The following MOK variants were observed in gnomAD, a reference collection of about 807,000 sequenced individuals.
The protein encoded by MOK is MAPK/MAK/MRK overlapping kinase.
Under a neutral mutation model 54.2 loss-of-function variants are expected in MOK, and 59 were observed. That is an observed-to-expected ratio of 1.09 (90% CI 0.88 to 1.35). MOK has a LOEUF of 1.35. Among genes scored for constraint, MOK ranks in the 40% most tolerant of loss-of-function variants. MOK has a pLI of 0.00. For missense variants in MOK, 517 were observed against 526.2 expected, an observed-to-expected ratio of 0.98 and a Z score of 0.17; for synonymous variants, 210 against 202.7, an observed-to-expected ratio of 1.04 and a Z score of -0.31.
chr14:102,289,977 T>C (rs1457988235), intron 1 of MOK, among the ~76,000 whole-genome samples: 4 of 152,080 alleles, frequency 2.6e-5, no homozygotes, highest in African/African-American at 9.7e-5. Flanking sequence ...ATTCTTTTTC[T>C]CCATGGTTAG....
intron 1 of MOK, among the ~76,000 whole-genome samples, chr14:102,300,298 T>C (rs1040190313): frequency 8.2e-6 from 1 of 121,886 alleles, no homozygotes; most frequent in Non-Finnish European, 1.6e-5. Context: ...GACTCCAGCC[T>C]AGGCAACAGG....
intron 7 of MOK, among the ~76,000 whole-genome samples, chr14:102,237,276 C>T (rs1207698310): frequency 6.6e-6 from 1 of 152,194 alleles, no homozygotes; most frequent in Non-Finnish European, 1.5e-5. Flanking sequence ...AGAAGACTCT[C>T]AAACTCACAC....
At chr14:102,272,231 G>A (rs1014535236) in intron 2 of MOK, among the ~76,000 whole-genome samples, 2 of 152,254 alleles carry the variant, frequency 1.3e-5, no homozygotes, top group Non-Finnish European at 2.9e-5. Flanking sequence ...GCTCACGCCT[G>A]TAATCCTAGT....
At chr14:102,304,860 C>T (rs1284508259) in intron 1 of MOK, 102 bp downstream of exon 1, 3 of 1,352,468 alleles carry the variant, frequency 2.2e-6, no homozygotes, top group East Asian at 2.5e-5. Flanking sequence ...AAGGCGACGA[C>T]GCCCGGCCCC....
chr14:102,300,002 A>G (rs2071978955), intron 1 of MOK, among the ~76,000 whole-genome samples: 1 of 151,794 alleles, frequency 6.6e-6, no homozygotes, highest in Admixed American at 6.6e-5. Flanking sequence ...ATATAGGGAG[A>G]CCCCCATCTC....
At chr14:102,254,134 G>A (rs1342537396) in intron 4 of MOK, among the ~76,000 whole-genome samples, 3 of 151,944 alleles carry the variant, frequency 2.0e-5, no homozygotes, top group East Asian at 1.9e-4. Flanking sequence ...ACAGGCACCC[G>A]CCACCACTAC....
chr14:102,236,279 ACT>A lies in MOK; in HGVS notation c.591-2492_591-2491del, dbSNP rs569671610. Among the ~76,000 whole-genome samples, 401 of 152,314 alleles carry A rather than the reference ACT, an allele frequency of 2.6e-3. 4 individuals carry two copies. Among genetic ancestry groups the A allele is most frequent in the African/African-American group, 9.0e-3 (376 of 41,576 alleles). On this transcript the variant is annotated intron_variant, in intron 7 of 11. Coordinates refer to ENST00000361847, the MANE Select transcript of MOK (RefSeq NM_014226.3). The surrounding 1 kb of genome is among the most constrained non-coding windows in gnomAD (Gnocchi z 4.5). ...CATCACTGCATTGGAGCCCAGGGTA[ACT>A]CTGCGAGTAGCAGGTAAGCCGATCT... is the stretch of plus-strand genomic sequence containing the variant.
At chr14:102,286,484 G>A (rs2070113411) in intron 1 of MOK, among the ~76,000 whole-genome samples, 1 of 151,670 alleles carries the variant, frequency 6.6e-6, no homozygotes, top group African/African-American at 2.4e-5. Flanking sequence ...AATGGCACAC[G>A]CCTGTCATCC....
At chr14:102,257,975 CAAAAA>C (rs34751303) in intron 4 of MOK, among the ~76,000 whole-genome samples, 1 of 102,478 alleles carries the variant, frequency 9.8e-6, no homozygotes, top group Non-Finnish European at 2.2e-5. Context: ...GACTCTGTCT[CAAAAA>C]AAAAAAAAAA....
At chr14:102,296,597 T>G (rs937992647) in intron 1 of MOK, among the ~76,000 whole-genome samples, 4 of 152,152 alleles carry the variant, frequency 2.6e-5, no homozygotes, top group African/African-American at 9.7e-5. Context: ...TTGTTTTTAT[T>G]TCAAGAGAAA....
At chr14:102,255,410 T>G (rs1345872687) in intron 4 of MOK, among the ~76,000 whole-genome samples, 2 of 152,170 alleles carry the variant, frequency 1.3e-5, no homozygotes, top group Non-Finnish European at 2.9e-5. Flanking sequence ...GGGCCAGGAA[T>G]CTGTGCTTCT....
chr14:102,214,851 A>T, the MOK span: 1 of 984,556 alleles, frequency 1.0e-6, no homozygotes. Context: ...ATTTTAAGGA[A>T]ATCATGTTTG....
intron 1 of MOK, among the ~76,000 whole-genome samples, chr14:102,304,452 C>T (rs973951111): frequency 2.0e-5 from 3 of 152,040 alleles, no homozygotes; most frequent in Non-Finnish European, 2.9e-5. Context: ...AAAGTGGTTC[C>T]TATAAAACAC....
chr14:102,302,956 G>GT (rs1326360673), intron 1 of MOK, among the ~76,000 whole-genome samples: 1 of 151,600 alleles, frequency 6.6e-6, no homozygotes, highest in East Asian at 1.9e-4. Flanking sequence ...GACGTCAGGA[G>GT]TTTGAGACCA....
intron 1 of MOK, among the ~76,000 whole-genome samples, chr14:102,295,748 A>C (rs1054736334): frequency 1.3e-5 from 2 of 152,260 alleles, no homozygotes; most frequent in Non-Finnish European, 2.9e-5. Context: ...AAAAGAACAC[A>C]AAACTATTCA....
chr14:102,218,984 G>A, the MOK span, among the ~76,000 whole-genome samples: 1 of 152,206 alleles, frequency 6.6e-6, no homozygotes, highest in South Asian at 2.1e-4. Flanking sequence ...GAAGCAGAAG[G>A]ACAGGGTAAA....
At chr14:102,224,488 T>C, downstream of MOK, 2 of 423,810 alleles carry the variant, frequency 4.7e-6, no homozygotes. Flanking sequence ...TAAAAAATCA[T>C]ATACAACTGG....
At chr14:102,251,377 G>T in intron 6 of MOK, 1 of 391,456 alleles carries the variant, frequency 2.6e-6, no homozygotes, top group Non-Finnish European at 4.9e-6. Flanking sequence ...CCAGTGACAG[G>T]TGCTGGGAAA....
intron 7 of MOK, among the ~76,000 whole-genome samples, chr14:102,244,234 A>G (rs1471281742): frequency 3.3e-5 from 5 of 152,222 alleles, no homozygotes; most frequent in African/African-American, 9.6e-5. Context: ...AGCAGCTAGC[A>G]TTCCAACTTC....
Sources: gnomAD v4.1 joint callset for allele counts (sites outside exome capture counted in the v4.1 genomes callset) on GRCh38, gnomAD v4.1.1 for gene constraint, Gnocchi (gnomAD v3.1) non-coding constraint, MANE v1.5 for transcripts, NCBI Gene and HGNC (gene_info 2026-07-23, HGNC 2026-07-21) for gene names.